The following PCNX2 variants were observed in gnomAD, a reference collection of about 807,000 sequenced individuals.
PCNX2 encodes the protein pecanex-like protein 2.
In PCNX2, 168 loss-of-function variants were observed where a neutral mutation model predicts 223.8. That is an observed-to-expected ratio of 0.75 (90% CI 0.66 to 0.85). PCNX2 has a LOEUF of 0.85. PCNX2 is among the 40% of genes least tolerant of loss of function. The pLI, the probability that PCNX2 is intolerant of heterozygous loss-of-function variation, is 0.00. For missense variants in PCNX2, 2,507 were observed against 2,675.5 expected, an observed-to-expected ratio of 0.94 and a Z score of 1.39; for synonymous variants, 1,006 against 1,052.6, an observed-to-expected ratio of 0.96 and a Z score of 0.86.
intron 25 of PCNX2, among the ~76,000 whole-genome samples, chr1:233,050,785 T>C (rs375603003): frequency 6.6e-5 from 10 of 152,112 alleles, no homozygotes; most frequent in African/African-American, 2.2e-4. Context: ...TATGACTAAG[T>C]CTTCAAAAGC....
At chr1:233,270,949 G>C (rs1165479536) in intron 1 of PCNX2, among the ~76,000 whole-genome samples, 1 of 152,156 alleles carries the variant, frequency 6.6e-6, no homozygotes, top group Non-Finnish European at 1.5e-5. Flanking sequence ...TATTTAAAAA[G>C]CTGCACCTTT....
intron 23 of PCNX2, among the ~76,000 whole-genome samples, chr1:233,082,477 C>G (rs1673405401): frequency 6.6e-6 from 1 of 152,184 alleles, no homozygotes; most frequent in Non-Finnish European, 1.5e-5. Context: ...AAATGTGTTG[C>G]GTTCCTTGTC....
chr1:233,174,677 T>C (rs530469441), intron 17 of PCNX2, among the ~76,000 whole-genome samples: 15 of 152,008 alleles, frequency 9.9e-5, no homozygotes, highest in Admixed American at 5.9e-4. Context: ...TGAAGAAAAT[T>C]GATACAGTGA....
intron 25 of PCNX2, among the ~76,000 whole-genome samples, chr1:233,034,877 A>C (rs1291544555): frequency 6.6e-6 from 1 of 152,194 alleles, no homozygotes; most frequent in Non-Finnish European, 1.5e-5. Flanking sequence ...ATTTGAACCT[A>C]ATTCTGTAGG....
chr1:233,254,081 G>A (rs1659597135), intron 5 of PCNX2, among the ~76,000 whole-genome samples: 1 of 152,212 alleles, frequency 6.6e-6, no homozygotes, highest in African/African-American at 2.4e-5. Context: ...AAGCAAAACT[G>A]TGTTAGTGTC....
chr1:233,253,137 T>C lies in PCNX2; in HGVS notation c.1835-349A>G, dbSNP rs1419382051. On this transcript the variant is annotated intron_variant, in intron 5 of 33. Coordinates refer to ENST00000258229, the MANE Select transcript of PCNX2 (RefSeq NM_014801.4). The surrounding 1 kb of genome is among the most constrained non-coding windows in gnomAD (Gnocchi z 4.2). ...ATAGGTCTGAAAGGTTCATATCTCA[T>C]AAATGAATAACTTCAGATTTTAAAA... is the stretch of plus-strand genomic sequence containing the variant. Among the ~76,000 whole-genome samples the C allele has an allele frequency of 6.6e-6, 1 of 152,220 alleles. No homozygotes were observed.
Position 233,000,896 on chromosome 1 carries a change from T to C in PCNX2, c.5098-361A>G, listed in dbSNP as rs969943416. 3.3e-5 allele frequency among the ~76,000 whole-genome samples: 5 copies of C among 152,200 alleles called. No homozygotes were observed. The highest frequency in any genetic ancestry group is 1.2e-4 in the African/African-American group (5 of 41,438). Reference sequence around the variant, plus strand: ...AGCTGCTCTTGAGGGCAAATCACCATTGGCTAAAGTCAAGACTATCTGGAC... The same window carrying C: ...AGCTGCTCTTGAGGGCAAATCACCACTGGCTAAAGTCAAGACTATCTGGAC... On this transcript the variant is annotated intron_variant, in intron 29 of 33. Coordinates refer to ENST00000258229, the MANE Select transcript of PCNX2 (RefSeq NM_014801.4). The surrounding 1 kb of genome is among the most constrained non-coding windows in gnomAD (Gnocchi z 4.6).
chr1:233,129,531 C>G (rs1312113391), intron 21 of PCNX2, among the ~76,000 whole-genome samples: 1 of 152,256 alleles, frequency 6.6e-6, no homozygotes, highest in Non-Finnish European at 1.5e-5. Flanking sequence ...TGGCAGGCAG[C>G]TCCACCTGCG....
At chr1:233,231,311 C>T (rs779681827) in intron 9 of PCNX2, among the ~76,000 whole-genome samples, 2 of 151,798 alleles carry the variant, frequency 1.3e-5, no homozygotes, top group Non-Finnish European at 2.9e-5. Flanking sequence ...GTTAACAACA[C>T]AAATTTGAAA....
At chr1:233,086,353 A>G (rs892339814) in intron 23 of PCNX2, among the ~76,000 whole-genome samples, 5 of 152,166 alleles carry the variant, frequency 3.3e-5, no homozygotes, top group Admixed American at 1.3e-4. Flanking sequence ...ATTAAAAGTA[A>G]ATGGAATTTA....
At chr1:233,146,086 T>C (rs1166148799) in intron 19 of PCNX2, among the ~76,000 whole-genome samples, 2 of 152,166 alleles carry the variant, frequency 1.3e-5, no homozygotes, top group African/African-American at 4.8e-5. Flanking sequence ...AAATAAGAGG[T>C]ACTCAACCTG....
At chr1:233,114,717 A>G (rs978677725) in intron 21 of PCNX2, among the ~76,000 whole-genome samples, 5 of 152,208 alleles carry the variant, frequency 3.3e-5, no homozygotes, top group African/African-American at 1.2e-4. Context: ...GCATCCAGAA[A>G]GTCACAATGC....
rs774571762 is a variant in PCNX2 at position 233,250,752 on chromosome 1, GAC to G, written c.2207_2208del (p.Cys736SerfsTer18). 16 of 1,605,996 alleles carry G rather than the reference GAC, an allele frequency of 1.0e-5. No individual in the cohort carries two copies. Among genetic ancestry groups the G allele is most frequent in the Non-Finnish European group, 1.4e-5 (16 of 1,176,294 alleles). ...AGCTCCACTCACCGAGCCTGAGAGA[GAC>G]AGTCATTATTTGATGGTAGAGGCTG... ...PLQPLPSNND[C>X]LSQAREMQVS... On this transcript the variant is annotated frameshift_variant, in exon 8 of 34. Coordinates refer to ENST00000258229, the MANE Select transcript of PCNX2 (RefSeq NM_014801.4). LOFTEE classifies it high-confidence loss of function.
intron 16 of PCNX2, among the ~76,000 whole-genome samples, chr1:233,178,511 T>C (rs1320965196): frequency 1.1e-4 from 16 of 152,360 alleles, no homozygotes; most frequent in African/African-American, 3.8e-4. Flanking sequence ...TTGTAATGTA[T>C]ACTTTCACAT....
rs1673672208 is a variant in PCNX2, at chr1:233,087,639, C to T, written c.4076+2422G>A. On this transcript the variant is annotated intron_variant, in intron 23 of 33. Coordinates refer to ENST00000258229, the MANE Select transcript of PCNX2 (RefSeq NM_014801.4). ...TTTCCTGTCACTTCCTTTCCTGGTA[C>T]CCACCACTCTACTGTTGTGATTTCC... Among the ~76,000 whole-genome samples, 3 of 152,188 alleles carry T rather than the reference C, an allele frequency of 2.0e-5. No homozygotes were observed. The South Asian group carries it at 6.2e-4, about 32-fold the overall frequency.
At chr1:233,104,554 A>C (rs1173687779) in intron 21 of PCNX2, among the ~76,000 whole-genome samples, 1 of 152,148 alleles carries the variant, frequency 6.6e-6, no homozygotes, top group African/African-American at 2.4e-5. Context: ...AAGATTAATA[A>C]ATCTATAATC....
At chr1:233,173,708 A>T (rs1460583770) in intron 17 of PCNX2, among the ~76,000 whole-genome samples, 2 of 152,198 alleles carry the variant, frequency 1.3e-5, no homozygotes, top group Non-Finnish European at 2.9e-5. Flanking sequence ...ATCTCCACTT[A>T]TTCAGAACAT....
intron 1 of PCNX2, among the ~76,000 whole-genome samples, chr1:233,278,510 C>T (rs1180808528): frequency 6.6e-6 from 1 of 152,160 alleles, no homozygotes; most frequent in Non-Finnish European, 1.5e-5. Context: ...GGTCACAAGC[C>T]CTAATCTCAT....
chr1:233,188,885 CT>C (rs1170529638), intron 15 of PCNX2, among the ~76,000 whole-genome samples: 1 of 152,182 alleles, frequency 6.6e-6, no homozygotes, highest in African/African-American at 2.4e-5. Context: ...ATAACTACAT[CT>C]GCGAAATCCC....
Sources: allele counts gnomAD v4.1 joint callset (sites outside exome capture counted in the v4.1 genomes callset), GRCh38; gene constraint gnomAD v4.1.1; non-coding constraint Gnocchi (gnomAD v3.1); transcripts MANE v1.5; gene names NCBI Gene and HGNC (gene_info 2026-07-23, HGNC 2026-07-21).